The following RFX8 variants were observed in gnomAD, a reference collection of about 807,000 sequenced individuals.
RFX8 encodes the protein DNA-binding protein RFX8.
In RFX8, 46 loss-of-function variants were observed where a neutral mutation model predicts 54.6. The observed-to-expected ratio is 0.84, with a 90% CI of 0.67 to 1.08. RFX8 has a LOEUF of 1.08. RFX8 is among the 50% of genes least tolerant of loss of function. The probability of loss-of-function intolerance (pLI) is 0.00; values close to 1 mark genes in which losing one functional copy is unlikely to be tolerated. For missense variants in RFX8, 536 were observed against 562.3 expected (o/e 0.95, Z 0.47); for synonymous variants, 192 against 209.5 (o/e 0.92, Z 0.72).
chr2:101,424,731 C>G (rs1687077177), intron 2 of RFX8, among the ~76,000 whole-genome samples: 1 of 152,156 alleles, frequency 6.6e-6, no homozygotes, highest in Non-Finnish European at 1.5e-5. Context: ...ATGGATGAAG[C>G]TGGGAACCAT....
At position 101,402,483 on chromosome 2, in the gene RFX8, C is replaced by T. The variant is rs1198167359; in HGVS notation, c.1198G>A (p.Val400Ile). ...GRYPVGVSNM[V>I]LRILGFLVDT... ...ACCAGGAAGCCCAGGATCCTGAGGA[C>T]CATGTTGCTCACACCCACGGGATAT... Residue 400 changes from valine to isoleucine, a missense_variant, in exon 11 of 12, where the codon GTC becomes ATC. Coordinates refer to ENST00000428343, the MANE Select transcript of RFX8 (RefSeq NM_001145664.2). The T allele has an allele frequency of 2.6e-6, 4 of 1,551,612 alleles. No homozygotes were observed. Among genetic ancestry groups the T allele is most frequent in the Non-Finnish European group, 3.5e-6 (4 of 1,146,894 alleles).
At chr2:101,452,460 C>G (rs1480519069) in intron 2 of RFX8, 2 of 1,307,188 alleles carry the variant, frequency 1.5e-6, no homozygotes, top group African/African-American at 1.5e-5. Context: ...AAAGAATAAG[C>G]CAGATTTAAA....
intron 8 of RFX8, among the ~76,000 whole-genome samples, chr2:101,410,981 C>T (rs1340661700): frequency 6.6e-6 from 1 of 152,222 alleles, no homozygotes; most frequent in East Asian, 1.9e-4. Context: ...ACCATAACTA[C>T]ACCTTGCAAT....
In RFX8 at chr2:101,414,887, T is replaced by C. The variant is rs1254832133; in HGVS notation, c.528A>G (p.Leu176=). The C allele has an allele frequency of 1.9e-6, 3 of 1,550,468 alleles. No homozygotes were observed. The African/African-American group carries it at 4.1e-5, about 21-fold the overall frequency. ...LKEVTLFVKR[L]RRKTYLSNMA... Reference sequence around the variant, plus strand: ...TGTTGGAAAGGTACGTCTTTCTTCTTAGTCTTTTGACAAATAGAGTAACTT... The same window carrying C: ...TGTTGGAAAGGTACGTCTTTCTTCTCAGTCTTTTGACAAATAGAGTAACTT... Residue 176 remains leucine, a synonymous_variant, in exon 7 of 12, where the codon CTA becomes CTG. Transcript: ENST00000428343.
In RFX8 at chr2:101,422,156, G is replaced by A. The variant is rs189524489; in HGVS notation, c.183+206C>T. ...GTCTTGGGGAAGAGGCAGTCCCAGC[G>A]GGAGCCTTGCCATAGGATGTGATAG... On this transcript the variant is annotated intron_variant, in intron 3 of 11. Transcript: ENST00000428343. 4.6e-5 allele frequency among the ~76,000 whole-genome samples: 7 copies of A among 152,188 alleles called. No homozygotes were observed. In the East Asian group the frequency reaches 1.2e-3, roughly 25 times the overall value.
intron 10 of RFX8, among the ~76,000 whole-genome samples, chr2:101,404,592 AT>A (rs536049460): frequency 0.016 from 2,229 of 143,286 alleles, 51 homozygotes; most frequent in African/African-American, 0.045. Context: ...CACCTGGCTA[AT>A]TTTTTTTTTT....
At chr2:101,417,501 A>G (rs1686598490) in intron 6 of RFX8, 33 bp downstream of exon 6, 1 of 1,531,222 alleles carries the variant, frequency 6.5e-7, no homozygotes, top group Non-Finnish European at 8.8e-7. Flanking sequence ...CCACTGTGCC[A>G]GCCCAGAATT....
rs1314424870 is a variant in RFX8 at position 101,453,097 on chromosome 2, C to T, written c.72+13680G>A. The stretch of plus-strand genomic sequence containing the variant: ...ACTGCACTCCATCCTGGTGACAGAG[C>T]GAGACTCCATCTCAAAACAAACAAA... On this transcript the variant is annotated intron_variant, in intron 2 of 11. Transcript: ENST00000428343. Among the ~76,000 whole-genome samples the T allele has an allele frequency of 6.6e-5, 7 of 106,796 alleles. No individual in the cohort carries two copies. The East Asian group carries it at 7.2e-4, about 11-fold the overall frequency. 70.1% of individuals were successfully genotyped at this position (106,796 alleles called of 152,430 possible).
At chr2:101,404,177 C>A (rs1685599145) in intron 10 of RFX8, among the ~76,000 whole-genome samples, 1 of 152,228 alleles carries the variant, frequency 6.6e-6, no homozygotes, top group South Asian at 2.1e-4. Flanking sequence ...ATCTTTTCAT[C>A]CATTTCAAAA....
intron 4 of RFX8, chr2:101,421,151 T>A (rs1686840595): frequency 1.6e-6 from 1 of 636,576 alleles, no homozygotes; most frequent in African/African-American, 2.0e-5. Context: ...AAAGTTGAAG[T>A]GCTTAGAATA....
At position 101,401,195 on chromosome 2, in the gene RFX8, TGA is replaced by T. The variant is rs1312019309; in HGVS notation, c.1245+1239_1245+1240del. Among the ~76,000 whole-genome samples, 3 of 152,280 alleles carry T rather than the reference TGA, an allele frequency of 2.0e-5. No homozygotes were observed. The East Asian group carries it at 5.8e-4, about 29-fold the overall frequency. On this transcript the variant is annotated intron_variant, in intron 11 of 11. Coordinates refer to ENST00000428343, the MANE Select transcript of RFX8 (RefSeq NM_001145664.2). ...GGATACGTGACTTACTATCTCAAAG[TGA>T]GAAACAAAGACCAAATACAGATAGA...
At position 101,466,863 on chromosome 2, in the gene RFX8, C is replaced by T. The variant is rs578031705; in HGVS notation, c.-15G>A. On this transcript the variant is annotated 5_prime_UTR_variant, in exon 2 of 12. Transcript: ENST00000428343. ...ATCTCATACATGAGACAGCGAGGGACGCTGCACTCTTCGCAAATGCAGAAG... is the reference window on the plus strand; with the variant it reads ...ATCTCATACATGAGACAGCGAGGGATGCTGCACTCTTCGCAAATGCAGAAG... The T allele has an allele frequency of 1.4e-5, 21 of 1,546,338 alleles. No homozygotes were observed. Among genetic ancestry groups the T allele is most frequent in the African/African-American group, 4.1e-5 (3 of 73,020 alleles).
intron 2 of RFX8, among the ~76,000 whole-genome samples, chr2:101,459,235 C>A (rs186206389): frequency 6.6e-6 from 1 of 152,178 alleles, no homozygotes; most frequent in Non-Finnish European, 1.5e-5. Flanking sequence ...AGTCATTCTC[C>A]GTCCAGTTTT....
Position 101,464,769 on chromosome 2 carries a change from T to A in RFX8, c.72+2008A>T, listed in dbSNP as rs185304602. Among the ~76,000 whole-genome samples the A allele has an allele frequency of 6.1e-3, 927 of 152,230 alleles. 9 individuals carry two copies. Among genetic ancestry groups the A allele is most frequent in the African/African-American group, 0.022 (898 of 41,542 alleles). ...GTCACACACTGGAGTCTCTTTAACTTTTTTTTCTAATGCTTTGCAGTAGAA... is the reference window on the plus strand; with the variant it reads ...GTCACACACTGGAGTCTCTTTAACTATTTTTTCTAATGCTTTGCAGTAGAA... On this transcript the variant is annotated intron_variant, in intron 2 of 11. Coordinates refer to ENST00000428343, the MANE Select transcript of RFX8 (RefSeq NM_001145664.2).
intron 10 of RFX8, among the ~76,000 whole-genome samples, chr2:101,403,680 G>A (rs562923464): frequency 9.2e-5 from 14 of 152,230 alleles, no homozygotes; most frequent in South Asian, 2.1e-4. Flanking sequence ...CCAGCTACTC[G>A]GGAGACTGAG....
intron 2 of RFX8, among the ~76,000 whole-genome samples, chr2:101,441,858 A>C (rs1210613475): frequency 6.6e-6 from 1 of 152,194 alleles, no homozygotes; most frequent in Non-Finnish European, 1.5e-5. Flanking sequence ...TCACTCTGCC[A>C]GTCTTGTCTT....
chr2:101,412,813 A>C, intron 8 of RFX8, 102 bp downstream of exon 8: 1 of 1,136,170 alleles, frequency 8.8e-7, no homozygotes, highest in Non-Finnish European at 1.2e-6. Flanking sequence ...CGGAGTTATA[A>C]AGTTCTACCC....
intron 3 of RFX8, 81 bp from the exon 4 acceptor site, chr2:101,421,858 T>G: frequency 1.0e-6 from 1 of 1,004,010 alleles, no homozygotes; most frequent in Non-Finnish European, 1.5e-6. Context: ...TCTGAAGCTC[T>G]CAGAGGCCGC....
chr2:101,452,305 T>C, intron 2 of RFX8: 1 of 780,870 alleles, frequency 1.3e-6, no homozygotes, highest in Non-Finnish European at 2.0e-6. Flanking sequence ...TGTTTTGTTT[T>C]GCATTTTTTA....
Sources: gnomAD v4.1 joint callset for allele counts (sites outside exome capture counted in the v4.1 genomes callset) on GRCh38, gnomAD v4.1.1 for gene constraint, MANE v1.5 for transcripts, NCBI Gene and HGNC (gene_info 2026-07-23, HGNC 2026-07-21) for gene names.